MECOM: variants seen among roughly 807,000 people sequenced by gnomAD.
The protein encoded by MECOM is histone-lysine N-methyltransferase MECOM.
MECOM carries 13 observed loss-of-function variants against 116.3 expected under a neutral mutation model. The ratio of observed to expected loss-of-function variants is 0.11; its 90% CI spans 0.07 to 0.18. MECOM has a LOEUF of 0.18. MECOM is among the 10% of genes least tolerant of loss of function. The pLI is 1.00. For synonymous variants in MECOM, 528 were observed against 535.2 expected (o/e 0.99, Z 0.19); for missense variants, 1,299 against 1,509.0 (o/e 0.86, Z 2.31).
intron 3 of MECOM, chr3:169,131,810 C>T (rs778134494): frequency 7.6e-5 from 57 of 752,142 alleles, no homozygotes; most frequent in Non-Finnish European, 9.9e-5. Flanking sequence ...AGCTGCGTCA[C>T]ATATATCCTG....
At chr3:169,604,876 T>C (rs1768307439) in intron 1 of MECOM, among the ~76,000 whole-genome samples, 1 of 152,208 alleles carries the variant, frequency 6.6e-6, no homozygotes, top group Admixed American at 6.5e-5. Context: ...AGAAACAGTA[T>C]TCTTGGGGGT....
At chr3:169,295,621 T>A (rs1405564778) in intron 2 of MECOM, among the ~76,000 whole-genome samples, 1 of 152,232 alleles carries the variant, frequency 6.6e-6, no homozygotes, top group Admixed American at 6.5e-5. Context: ...AGTAGCATTC[T>A]CTCAAATTCT....
intron 1 of MECOM, among the ~76,000 whole-genome samples, chr3:169,433,658 A>AAAG (rs1553851647): frequency 1.5e-5 from 2 of 135,284 alleles, no homozygotes; most frequent in Non-Finnish European, 3.0e-5. Context: ...AGAAAGAAAG[A>AAAG]AAGAAAGAAA....
chr3:169,661,118 G>A (rs994786586), intron 1 of MECOM, among the ~76,000 whole-genome samples: 5 of 152,240 alleles, frequency 3.3e-5, no homozygotes, highest in Admixed American at 2.0e-4. Flanking sequence ...GGCATCGTAT[G>A]TCTTGCTTGG....
At chr3:169,229,972 G>A (rs1753178150) in intron 2 of MECOM, among the ~76,000 whole-genome samples, 1 of 152,080 alleles carries the variant, frequency 6.6e-6, no homozygotes, top group African/African-American at 2.4e-5. Flanking sequence ...ATGCCAAACA[G>A]CAGACTTAAT....
intron 2 of MECOM, among the ~76,000 whole-genome samples, chr3:169,212,808 A>G (rs1437072060): frequency 6.6e-6 from 1 of 150,934 alleles, no homozygotes; most frequent in Non-Finnish European, 1.5e-5. Flanking sequence ...TTATCCAAAT[A>G]TGCCAAGCTC....
At chr3:169,496,454 C>T (rs1028274348) in intron 1 of MECOM, among the ~76,000 whole-genome samples, 2 of 152,300 alleles carry the variant, frequency 1.3e-5, no homozygotes, top group Non-Finnish European at 2.9e-5. Flanking sequence ...ATGATCCATA[C>T]CTCATTTGAG....
At chr3:169,421,787 G>A (rs1375442829) in intron 1 of MECOM, among the ~76,000 whole-genome samples, 1 of 152,006 alleles carries the variant, frequency 6.6e-6, no homozygotes, top group African/African-American at 2.4e-5. Flanking sequence ...AAATTCTCAG[G>A]TATTTCTAAG....
rs1769308809 is a variant in MECOM, at chr3:169,611,808, T to C, written c.37+51528A>G. ...ATTCTTCTTTCTTCCCCCAGTCTGA[T>C]AATTATGTCCAGAAATCAGTAAAGA... On this transcript the variant is annotated intron_variant, in intron 1 of 16. Transcript: ENST00000651503. This position sits in a 1 kb window ranked among gnomAD's most constrained non-coding sequence, Gnocchi z 4.1. 6.6e-6 allele frequency among the ~76,000 whole-genome samples: 1 copy of C among 152,234 alleles called. No individual in the cohort carries two copies. The highest frequency in any genetic ancestry group is 2.1e-4 in the South Asian group (1 of 4,826).
chr3:169,236,169 A>C (rs2149534465), intron 2 of MECOM, among the ~76,000 whole-genome samples: 1 of 152,304 alleles, frequency 6.6e-6, no homozygotes, highest in East Asian at 1.9e-4. Context: ...AGGTTAGGCT[A>C]AGCTAGGATA....
In MECOM at chr3:169,089,039, C is replaced by T. The variant is rs745676231; in HGVS notation, c.3546G>A (p.Glu1182=). The T allele has an allele frequency of 2.5e-6, 4 of 1,605,740 alleles. No homozygotes were observed. The highest frequency in any genetic ancestry group is 1.7e-5 in the Admixed American group (1 of 58,214). ...TTCTGTGTAACGGCTGCTTAAGTTC[C>T]TCTGGCACATGGGAAGTACTAAAAG... ...LSSFSTSHVP[E]ELKQPLHRKS... The change falls in exon 16 of 17, where the codon GAG becomes GAA. Residue 1182 remains glutamate (E), a synonymous_variant. Transcript: ENST00000651503.
intron 1 of MECOM, among the ~76,000 whole-genome samples, chr3:169,630,518 T>C (rs991184599): frequency 6.6e-6 from 1 of 151,104 alleles, no homozygotes; most frequent in Non-Finnish European, 1.5e-5. Flanking sequence ...AGTGGTATGA[T>C]CACAGCTCAC....
intron 2 of MECOM, among the ~76,000 whole-genome samples, chr3:169,303,507 T>C (rs1397437410): frequency 6.6e-6 from 1 of 152,176 alleles, no homozygotes; most frequent in Non-Finnish European, 1.5e-5. Flanking sequence ...AGCGGTAGTG[T>C]AAAGATGTGA....
At chr3:169,148,923 G>A (rs1309749510) in intron 2 of MECOM, among the ~76,000 whole-genome samples, 2 of 152,082 alleles carry the variant, frequency 1.3e-5, no homozygotes, top group East Asian at 3.9e-4. Flanking sequence ...AAATCGCACA[G>A]CAGTGGTAGG....
intron 1 of MECOM, among the ~76,000 whole-genome samples, chr3:169,402,667 A>G (rs1313526112): frequency 6.6e-6 from 1 of 152,096 alleles, no homozygotes; most frequent in Non-Finnish European, 1.5e-5. Context: ...AAAAAAAAAG[A>G]AAACCAGGTA....
rs1185030742 is a variant in MECOM at position 169,095,173 on chromosome 3, T to C, written c.2922A>G (p.Lys974=). ...ATAAGTGACACTTAAATGGCTTCTCTTTATTGTGGATGTTGCGAACATGCC... is the reference window on the plus strand; with the variant it reads ...ATAAGTGACACTTAAATGGCTTCTCCTTATTGTGGATGTTGCGAACATGCC... ...LQRHVRNIHN[K]EKPFKCHLCD... The change falls in exon 13 of 17, where the codon AAA becomes AAG. Residue 974 remains lysine (K), a synonymous_variant. Coordinates refer to ENST00000651503, the MANE Select transcript of MECOM (RefSeq NM_004991.4). 8 of 1,613,744 alleles carry C rather than the reference T, an allele frequency of 5.0e-6. No homozygotes were observed. The highest frequency in any genetic ancestry group is 2.2e-5 in the South Asian group (2 of 91,012).
chr3:169,564,513 A>T (rs537700810), intron 1 of MECOM, among the ~76,000 whole-genome samples: 14 of 152,326 alleles, frequency 9.2e-5, no homozygotes, highest in African/African-American at 3.4e-4. Flanking sequence ...ATATTTCCAA[A>T]TTTTATCATA....
chr3:169,247,313 C>CT lies in MECOM; in HGVS notation c.376-103482dup, dbSNP rs35304695. ...CCATCCACCTAATACTTTTTTTTTT[C>CT]TTTTTTTTTGAGATGGAGTTTCACT... On this transcript the variant is annotated intron_variant, in intron 2 of 16. Coordinates refer to ENST00000651503, the MANE Select transcript of MECOM (RefSeq NM_004991.4). Among the ~76,000 whole-genome samples the CT allele has an allele frequency of 4.4e-4, 66 of 149,050 alleles. 1 individual carries two copies. Among genetic ancestry groups the CT allele is most frequent in the South Asian group, 3.6e-3 (17 of 4,734 alleles).
At chr3:169,487,541 A>T (rs1450297571) in intron 1 of MECOM, among the ~76,000 whole-genome samples, 1 of 152,118 alleles carries the variant, frequency 6.6e-6, no homozygotes, top group African/African-American at 2.4e-5. Context: ...AGAGGGAAAA[A>T]TAAAAAATAA....
Sources: allele counts gnomAD v4.1 joint callset (sites outside exome capture counted in the v4.1 genomes callset), GRCh38; gene constraint gnomAD v4.1.1; non-coding constraint Gnocchi (gnomAD v3.1); transcripts MANE v1.5; gene names NCBI Gene and HGNC (gene_info 2026-07-23, HGNC 2026-07-21).